The following CCDC127 variants were observed in gnomAD, a reference collection of about 807,000 sequenced individuals.
The protein encoded by CCDC127 is coiled-coil domain-containing protein 127.
A neutral mutation model predicts 4.1 loss-of-function variants in CCDC127; 2 were observed. The observed-to-expected ratio is 0.49, with a 90% CI of 0.20 to 1.53. The LOEUF (loss-of-function observed/expected upper bound fraction) is 1.53. CCDC127 is among the 40% of genes most tolerant of loss of function. The pLI is 0.23. For missense variants in CCDC127, 271 were observed against 322.9 expected (o/e 0.84, Z 1.23); for synonymous variants, 98 against 120.4 (o/e 0.81, Z 1.22).
At chr5:207,535 A>T (rs1734199364) in intron 2 of CCDC127, among the ~76,000 whole-genome samples, 1 of 152,198 alleles carries the variant, frequency 6.6e-6, no homozygotes, top group Non-Finnish European at 1.5e-5. Flanking sequence ...CAGAAGCTGC[A>T]AGGAAAAGTC....
rs370458923 is a variant in CCDC127 at position 200,951 on chromosome 5, C to A, written c.*4346G>T. ...GGCTGCCCCCATCACAGCCAGCCAG[C>A]GTCTACACAGCAGGCTGCCCCCATC... is the stretch of plus-strand genomic sequence containing the variant. On this transcript the variant is annotated 3_prime_UTR_variant, in exon 3 of 3. Transcript: ENST00000296824. The A allele has an allele frequency of 8.6e-6, 1 of 116,476 alleles. No individual in the cohort carries two copies. The highest frequency in any genetic ancestry group is 3.6e-5 in the African/African-American group (1 of 27,890). The allele number at this position is 116,476 out of a possible 1,614,324, so 7.2% of individuals were successfully genotyped here.
rs376736049 is a variant in CCDC127, at chr5:212,374, G to A, written c.121+4355C>T. Among the ~76,000 whole-genome samples, 27 of 33,110 alleles carry A rather than the reference G, an allele frequency of 8.2e-4. 3 individuals are homozygous for A. The highest frequency in any genetic ancestry group is 0.014 in the Middle Eastern group (1 of 72). 21.7% of individuals were successfully genotyped at this position (33,110 alleles called of 152,430 possible). ...TGTGAGCACGCTGATGCTCGACATC[G>A]CACACTGCAGCCATGACGAGACAGC... On this transcript the variant is annotated intron_variant, in intron 2 of 2. Transcript: ENST00000296824.
intron 1 of CCDC127, among the ~76,000 whole-genome samples, chr5:217,664 A>G (rs1476336086): frequency 6.6e-6 from 1 of 151,898 alleles, no homozygotes; most frequent in African/African-American, 2.4e-5. Flanking sequence ...AAACAGTGCT[A>G]GAAGCTTCTG....
intron 2 of CCDC127, chr5:214,573 G>C (rs935585034): frequency 7.2e-5 from 11 of 152,234 alleles, no homozygotes; most frequent in African/African-American, 2.7e-4. Flanking sequence ...AGAGAAAAGG[G>C]GGGAAGCAGA....
intron 2 of CCDC127, chr5:215,136 C>A (rs1174814005): frequency 1.3e-5 from 2 of 152,186 alleles, no homozygotes; most frequent in Non-Finnish European, 2.9e-5. Context: ...TCTGCCTCTT[C>A]TTCTAGACTA....
At chr5:213,257 C>G (rs1359384555) in intron 2 of CCDC127, among the ~76,000 whole-genome samples, 1 of 80,638 alleles carries the variant, frequency 1.2e-5, no homozygotes, top group East Asian at 3.0e-4. Flanking sequence ...TGTGAGCACA[C>G]TGATGCTCGA....
chr5:217,291 A>AT (rs1288877765), intron 1 of CCDC127: 1 of 163,640 alleles, frequency 6.1e-6, no homozygotes, highest in African/African-American at 2.4e-5. Context: ...GTTTAAATGT[A>AT]TGGCTGCTGC....
rs1734112202 is a variant in CCDC127, at chr5:203,586, C to T, written c.*1711G>A. On this transcript the variant is annotated 3_prime_UTR_variant, in exon 3 of 3. Transcript: ENST00000296824. Reference sequence around the variant, plus strand: ...ATGAATAGTGGCTCTCATACTGCCACGTGGGCTCTATGAGCTTAGGATTTT... The same window carrying T: ...ATGAATAGTGGCTCTCATACTGCCATGTGGGCTCTATGAGCTTAGGATTTT... The T allele has an allele frequency of 6.6e-6, 1 of 152,284 alleles. No homozygotes were observed. Among genetic ancestry groups the T allele is most frequent in the Non-Finnish European group, 1.5e-5 (1 of 68,062 alleles). 9.4% of individuals were successfully genotyped at this position (152,284 alleles called of 1,614,324 possible). A position where few individuals can be genotyped will look rare whatever the true frequency, so the allele number is the denominator to read the frequency against.
intron 2 of CCDC127, among the ~76,000 whole-genome samples, chr5:210,564 C>T (rs1314420230): frequency 1.3e-5 from 2 of 152,136 alleles, no homozygotes; most frequent in Non-Finnish European, 2.9e-5. Flanking sequence ...CCTGGAGCCA[C>T]GATGAGAAAA....
chr5:210,490 A>C (rs1230954785), intron 2 of CCDC127, among the ~76,000 whole-genome samples: 2 of 152,208 alleles, frequency 1.3e-5, no homozygotes, highest in African/African-American at 4.8e-5. Flanking sequence ...AGGCAAGAAT[A>C]CTCATTTCAT....
chr5:200,063 G>A lies in CCDC127; in HGVS notation c.*5234C>T, dbSNP rs1734045381. Reference sequence around the variant, plus strand: ...GGCACAAAGGGCTCCCGTGAATCTGGAGCTCACCCAGCAAACATCCAGGCG... The same window carrying A: ...GGCACAAAGGGCTCCCGTGAATCTGAAGCTCACCCAGCAAACATCCAGGCG... On this transcript the variant is annotated 3_prime_UTR_variant, in exon 3 of 3. Coordinates refer to ENST00000296824, the MANE Select transcript of CCDC127 (RefSeq NM_145265.3). 1 of 152,286 alleles carries A rather than the reference G, an allele frequency of 6.6e-6. No individual in the cohort carries two copies. Among genetic ancestry groups the A allele is most frequent in the Admixed American group, 6.5e-5 (1 of 15,286 alleles). 9.4% of individuals were successfully genotyped at this position (152,286 alleles called of 1,614,324 possible). A position where few individuals can be genotyped will look rare whatever the true frequency, so the allele number is the denominator to read the frequency against.
intron 2 of CCDC127, among the ~76,000 whole-genome samples, chr5:208,987 C>T (rs62346512): frequency 0.34 from 51,880 of 151,692 alleles, 10,737 homozygotes; most frequent in African/African-American, 0.58. Flanking sequence ...TGACAGAGAG[C>T]CTAAGAAAAT....
rs993315946 is a variant in CCDC127, at chr5:202,775, G to C, written c.*2522C>G. On this transcript the variant is annotated 3_prime_UTR_variant, in exon 3 of 3. Coordinates refer to ENST00000296824, the MANE Select transcript of CCDC127 (RefSeq NM_145265.3). ...ATTCACCTACAAAGCAGCTGACTGT[G>C]TTTTCTTCATTTAAAGACAAACGTG... The C allele has an allele frequency of 2.0e-5, 3 of 152,178 alleles. No homozygotes were observed. Among genetic ancestry groups the C allele is most frequent in the African/African-American group, 7.2e-5 (3 of 41,406 alleles). 9.4% of individuals were successfully genotyped at this position (152,178 alleles called of 1,614,324 possible). A position where few individuals can be genotyped will look rare whatever the true frequency, so the allele number is the denominator to read the frequency against.
Position 205,379 on chromosome 5 carries a change from A to G in CCDC127, c.701T>C (p.Met234Thr). The change falls in exon 3 of 3, where the codon ATG becomes ACG. Residue 234 changes from methionine (M) to threonine (T), a missense_variant. Physicochemically the swap from Met to Thr is moderately conservative, Grantham distance 81 (BLOSUM62 -1). This residue lies in a region of CCDC127 where 265 missense variants were observed against 270.9 expected (regional missense o/e 0.98). Coordinates refer to ENST00000296824, the MANE Select transcript of CCDC127 (RefSeq NM_145265.3). ...TTCCCAGTATTTGAGATAGAGCCAC[A>G]TGAGTCTGCCATTCTGGCGTTTGTT... Reference protein sequence around the residue: ...NTNKRQNGRLMWLYLKYWELV... With the variant: ...NTNKRQNGRLTWLYLKYWELV... The G allele has an allele frequency of 6.2e-7, 1 of 1,614,186 alleles. No homozygotes were observed. Among genetic ancestry groups the G allele is most frequent in the Non-Finnish European group, 8.5e-7 (1 of 1,180,018 alleles).
intron 2 of CCDC127, among the ~76,000 whole-genome samples, chr5:210,230 C>A (rs1270095004): frequency 2.0e-5 from 3 of 152,180 alleles, no homozygotes; most frequent in Admixed American, 6.5e-5. Flanking sequence ...GGATCTAGAG[C>A]TAGGCAGAAT....
rs1260996219 is a variant in CCDC127 at position 197,348 on chromosome 5, C to CT, written c.*7948dup. ...TTACTAACCCATGTCAGCACAGACC[C>CT]TTTACGGGTGTCGGGCTGGGGGACG... On this transcript the variant is annotated 3_prime_UTR_variant, in exon 3 of 3. Coordinates refer to ENST00000296824, the MANE Select transcript of CCDC127 (RefSeq NM_145265.3). The CT allele has an allele frequency of 6.6e-6, 1 of 152,200 alleles. No homozygotes were observed. Among genetic ancestry groups the CT allele is most frequent in the Non-Finnish European group, 1.5e-5 (1 of 68,060 alleles). The allele number at this position is 152,200 out of a possible 1,614,324, so 9.4% of individuals were successfully genotyped here.
At chr5:214,403 G>A (rs1326314072) in intron 2 of CCDC127, 1 of 152,192 alleles carries the variant, frequency 6.6e-6, no homozygotes. Flanking sequence ...AAGAAACTGA[G>A]TTGGGCCCAG....
Position 218,129 on chromosome 5 carries a change from A to C in CCDC127, c.-47T>G. ...AGCGCGGGACCTCAGCGTTCCCTTA[A>C]CGCCACCGTCCGCGGGTCCGCTTTG... is the stretch of plus-strand genomic sequence containing the variant. On this transcript the variant is annotated 5_prime_UTR_variant, in exon 1 of 3. Coordinates refer to ENST00000296824, the MANE Select transcript of CCDC127 (RefSeq NM_145265.3). 6 of 1,232,382 alleles carry C rather than the reference A, an allele frequency of 4.9e-6. No individual in the cohort carries two copies. The highest frequency in any genetic ancestry group is 8.7e-5 in the Admixed American group (2 of 22,886). The allele number at this position is 1,232,382 out of a possible 1,614,324, so 76.3% of individuals were successfully genotyped here. A position where few individuals can be genotyped will look rare whatever the true frequency, so the allele number is the denominator to read the frequency against.
intron 2 of CCDC127, 26 bp from the exon 3 acceptor site, chr5:205,984 A>C (rs757676937): frequency 6.4e-7 from 1 of 1,573,516 alleles, no homozygotes; most frequent in Non-Finnish European, 8.6e-7. Context: ...AAAAATACAC[A>C]TAATGAAAAA....
Sources: allele counts gnomAD v4.1 joint callset (sites outside exome capture counted in the v4.1 genomes callset), GRCh38; gene constraint gnomAD v4.1.1; regional missense constraint gnomAD v4.1.1; transcripts MANE v1.5; gene names NCBI Gene and HGNC (gene_info 2026-07-23, HGNC 2026-07-21).